Variants in USP32 observed in about 807,000 individuals in gnomAD.
USP32 encodes ubiquitin specific peptidase 32.
USP32 carries 59 observed loss-of-function variants against 204.8 expected under a neutral mutation model. That is an observed-to-expected ratio of 0.29 (90% CI 0.23 to 0.36). The LOEUF is 0.36. Ranked by LOEUF, USP32 falls within the 10% of genes least tolerant of loss-of-function variation. The probability of loss-of-function intolerance (pLI) is 1.00; values close to 1 mark genes in which losing one functional copy is unlikely to be tolerated. For missense variants in USP32, 1,160 were observed against 1,946.4 expected (o/e 0.60, Z 7.60); for synonymous variants, 517 against 678.4 (o/e 0.76, Z 3.70).
chr17:60,305,153 G>A (rs1459674323), intron 2 of USP32: 1 of 152,030 alleles, frequency 6.6e-6, no homozygotes, highest in Non-Finnish European at 1.5e-5. Context: ...CTGAGGCTGG[G>A]TAATTTTTAT....
intron 29 of USP32, chr17:60,185,918 T>C: frequency 3.2e-6 from 1 of 316,740 alleles, no homozygotes; most frequent in Non-Finnish European, 6.0e-6. Flanking sequence ...ATCTAAAAAT[T>C]AGCTGGGCAT....
intron 3 of USP32, among the ~76,000 whole-genome samples, chr17:60,299,967 C>T (rs1425325438): frequency 6.6e-6 from 1 of 152,110 alleles, no homozygotes; most frequent in East Asian, 1.9e-4. Context: ...TCATAAGATA[C>T]TTATGATTAA....
At chr17:60,394,051 G>A (rs146847510), upstream of USP32, among the ~76,000 whole-genome samples, 32 of 152,290 alleles carry the variant, frequency 2.1e-4, no homozygotes, top group African/African-American at 6.7e-4. Context: ...TAGTCACAGC[G>A]CTGCCCTTTC....
At chr17:60,296,497 T>C (rs992311928) in intron 3 of USP32, among the ~76,000 whole-genome samples, 4 of 152,064 alleles carry the variant, frequency 2.6e-5, no homozygotes, top group Non-Finnish European at 4.4e-5. Context: ...GAAGAAAGAA[T>C]TTTCCCCTAC....
At chr17:60,416,099 A>C (rs1345557653) in intron 1 of USP32, among the ~76,000 whole-genome samples, 1 of 152,044 alleles carries the variant, frequency 6.6e-6, no homozygotes, top group African/African-American at 2.4e-5. Flanking sequence ...CGGCCTCCCA[A>C]AGTGCTGGGA....
intron 5 of USP32, among the ~76,000 whole-genome samples, chr17:60,280,612 T>G (rs2086946282): frequency 1.3e-5 from 2 of 152,230 alleles, no homozygotes; most frequent in African/African-American, 4.8e-5. Context: ...TTGTAATTCC[T>G]TTTTGTTTCC....
chr17:60,328,748 T>G (rs2088305173), intron 2 of USP32, among the ~76,000 whole-genome samples: 1 of 152,082 alleles, frequency 6.6e-6, no homozygotes, highest in African/African-American at 2.4e-5. Context: ...TCTCCAAGCT[T>G]CCAGACGCCA....
At chr17:60,349,620 T>C (rs1287339471) in intron 1 of USP32, among the ~76,000 whole-genome samples, 5 of 72,256 alleles carry the variant, frequency 6.9e-5, no homozygotes, top group Non-Finnish European at 1.1e-4. Flanking sequence ...TATATATATA[T>C]ATATTATATA....
At chr17:60,231,241 A>C (rs1238745003) in intron 12 of USP32, among the ~76,000 whole-genome samples, 7 of 152,144 alleles carry the variant, frequency 4.6e-5, no homozygotes, top group Non-Finnish European at 8.8e-5. Flanking sequence ...TGCCCTGTAC[A>C]TAGGTATGTT....
chr17:60,299,825 C>A (rs59756299), intron 3 of USP32, among the ~76,000 whole-genome samples: 3,272 of 152,244 alleles, frequency 0.021, 136 homozygotes, highest in African/African-American at 0.075. Flanking sequence ...CTGGGAAGTA[C>A]ACCATCAATT....
intron 1 of USP32, among the ~76,000 whole-genome samples, chr17:60,362,692 T>C (rs988217496): frequency 2.0e-5 from 3 of 152,234 alleles, no homozygotes; most frequent in Non-Finnish European, 2.9e-5. Context: ...TTCTAGTTTA[T>C]TCATTTGCTT....
At chr17:60,247,969 C>A (rs558592057) in intron 11 of USP32, among the ~76,000 whole-genome samples, 1 of 152,204 alleles carries the variant, frequency 6.6e-6, no homozygotes, top group Non-Finnish European at 1.5e-5. Context: ...CAGGCGTGAG[C>A]CACCACGCCT....
rs1054964585 is a variant in USP32 at position 60,224,701 on chromosome 17, T to TGAG, written c.1433-1118_1433-1116dup. Among the ~76,000 whole-genome samples, 34 of 152,342 alleles carry TGAG rather than the reference T, an allele frequency of 2.2e-4. 1 individual carries two copies. Among genetic ancestry groups the TGAG allele is most frequent in the African/African-American group, 7.7e-4 (32 of 41,588 alleles). On this transcript the variant is annotated intron_variant, in intron 13 of 33. Coordinates refer to ENST00000300896, the MANE Select transcript of USP32 (RefSeq NM_032582.4). ...GGTAGGCTAAGACAGGAGGATCATT[T>TGAG]GAGCCCAGGAACTGGAGGTTACAGT...
intron 27 of USP32, among the ~76,000 whole-genome samples, chr17:60,194,633 C>T (rs1226141638): frequency 6.6e-6 from 1 of 152,200 alleles, no homozygotes; most frequent in Non-Finnish European, 1.5e-5. Context: ...ATAACAGTAA[C>T]TTGGTCTTCT....
chr17:60,333,538 T>TA (rs2088439772), intron 2 of USP32, among the ~76,000 whole-genome samples: 1 of 152,068 alleles, frequency 6.6e-6, no homozygotes, highest in Non-Finnish European at 1.5e-5. Context: ...AGGTGGAGGT[T>TA]ACAGTGAGCC....
chr17:60,329,483 T>A (rs947503316), intron 2 of USP32, among the ~76,000 whole-genome samples: 1 of 150,756 alleles, frequency 6.6e-6, no homozygotes, highest in African/African-American at 2.5e-5. Context: ...TTTATTTATT[T>A]TTTTTTTTTG....
chr17:60,198,218 G>A, intron 27 of USP32, 42 bp downstream of exon 27: 1 of 1,592,680 alleles, frequency 6.3e-7, no homozygotes, highest in East Asian at 2.2e-5. Context: ...TATTTTTCTA[G>A]AGTTTGGAAA....
chr17:60,233,215 T>C (rs900979492), intron 12 of USP32, among the ~76,000 whole-genome samples: 7 of 152,154 alleles, frequency 4.6e-5, no homozygotes, highest in African/African-American at 1.4e-4. Context: ...CCTGTAATCC[T>C]AGCACTCTGA....
At chr17:60,269,161 T>G (rs532049715) in intron 7 of USP32, among the ~76,000 whole-genome samples, 6 of 152,168 alleles carry the variant, frequency 3.9e-5, no homozygotes, top group Non-Finnish European at 8.8e-5. Flanking sequence ...TGTTTAAAAT[T>G]TTCAATTACA....
Sources: gnomAD v4.1 joint callset for allele counts (sites outside exome capture counted in the v4.1 genomes callset) on GRCh38, gnomAD v4.1.1 for gene constraint, MANE v1.5 for transcripts, NCBI Gene and HGNC (gene_info 2026-07-23, HGNC 2026-07-21) for gene names.